TENM4: variants seen among roughly 807,000 people sequenced by gnomAD.
TENM4 encodes teneurin transmembrane protein 4.
In TENM4, 82 loss-of-function variants were observed where a neutral mutation model predicts 243.3. That is an observed-to-expected ratio of 0.34 (90% CI 0.28 to 0.40). The LOEUF (loss-of-function observed/expected upper bound fraction) is 0.40. Ranked by LOEUF, TENM4 falls within the 10% of genes least tolerant of loss-of-function variation. TENM4 has a pLI of 1.00. For synonymous variants in TENM4, 1,412 were observed against 1,456.3 expected, an observed-to-expected ratio of 0.97 and a Z score of 0.69; for missense variants, 3,138 against 3,673.3, an observed-to-expected ratio of 0.85 and a Z score of 3.77.
intron 6 of TENM4, among the ~76,000 whole-genome samples, chr11:78,934,504 CGG>C (rs1856741629): frequency 6.6e-6 from 1 of 152,126 alleles, no homozygotes; most frequent in Non-Finnish European, 1.5e-5. Context: ...GTTAGACTGG[CGG>C]ACCTGGAAGG....
At chr11:78,693,026 C>A (rs1858864607) in intron 28 of TENM4, among the ~76,000 whole-genome samples, 1 of 152,150 alleles carries the variant, frequency 6.6e-6, no homozygotes, top group Admixed American at 6.5e-5. Context: ...TCCATGAGGA[C>A]AGAGACCTTG....
intron 4 of TENM4, chr11:79,096,344 G>C (rs1861074981): frequency 2.6e-5 from 4 of 152,224 alleles, no homozygotes; most frequent in African/African-American, 7.2e-5. Context: ...GAAACAAGGA[G>C]ACTCTGCAAG....
intron 1 of TENM4, among the ~76,000 whole-genome samples, chr11:79,373,424 G>A (rs1244663779): frequency 1.3e-5 from 2 of 152,168 alleles, no homozygotes; most frequent in East Asian, 1.9e-4. Flanking sequence ...GTGACTGGCT[G>A]GCTGGCTGGA....
At chr11:78,748,365 C>G (rs1856098836) in intron 19 of TENM4, among the ~76,000 whole-genome samples, 1 of 152,210 alleles carries the variant, frequency 6.6e-6, no homozygotes, top group Non-Finnish European at 1.5e-5. Flanking sequence ...TAAGGTCACA[C>G]AGCTAGCAAA....
intron 6 of TENM4, among the ~76,000 whole-genome samples, chr11:78,980,512 G>A (rs660810): frequency 0.49 from 74,214 of 152,044 alleles, 19,896 homozygotes; most frequent in African/African-American, 0.72. Flanking sequence ...GGAAGTTGAG[G>A]CCTGGAAGGT....
chr11:79,365,159 G>T (rs1190591951), intron 1 of TENM4, among the ~76,000 whole-genome samples: 2 of 152,166 alleles, frequency 1.3e-5, no homozygotes, highest in Non-Finnish European at 1.5e-5. Flanking sequence ...ACTAAAAATT[G>T]CAGCCCCAAG....
rs185291288 is a variant in TENM4 at position 79,110,476 on chromosome 11, G to A, written c.-66+38234C>T. Among the ~76,000 whole-genome samples the A allele has an allele frequency of 1.7e-3, 261 of 152,318 alleles. 1 individual carries two copies. Among genetic ancestry groups the A allele is most frequent in the Admixed American group, 3.0e-3 (46 of 15,304 alleles). On this transcript the variant is annotated intron_variant, in intron 4 of 33. Coordinates refer to ENST00000278550, the MANE Select transcript of TENM4 (RefSeq NM_001098816.3). ...GTACCTAGAGTCCATAGCCCCGGAGGTGGAGAGGAATGCATGCTGGTGAAG... is the reference window on the plus strand; with the variant it reads ...GTACCTAGAGTCCATAGCCCCGGAGATGGAGAGGAATGCATGCTGGTGAAG...
rs550714963 is a variant in TENM4, at chr11:78,744,393, C to T, written c.2757-5823G>A. Among the ~76,000 whole-genome samples, 31 of 152,322 alleles carry T rather than the reference C, an allele frequency of 2.0e-4. 1 individual carries two copies. In the South Asian group the frequency reaches 5.6e-3, roughly 28 times the overall value. ...ATGAAACATTCGAGTCAGAAGAACC[C>T]TTCCTGATCACCTCTTTCAAACTTC... On this transcript the variant is annotated intron_variant, in intron 19 of 33. Transcript: ENST00000278550.
intron 19 of TENM4, among the ~76,000 whole-genome samples, chr11:78,749,531 G>A (rs1856133264): frequency 1.3e-5 from 2 of 152,122 alleles, no homozygotes; most frequent in Admixed American, 1.3e-4. Context: ...CTTCCTGAAG[G>A]CTGTCTAAAG....
At chr11:79,297,366 A>G (rs750091255) in intron 2 of TENM4, 122 bp downstream of exon 2, 5 of 152,780 alleles carry the variant, frequency 3.3e-5, no homozygotes, top group Non-Finnish European at 5.9e-5. Context: ...CTCGTGCAAT[A>G]CTGACTTGAA....
rs142750029 is a variant in TENM4 at position 79,374,684 on chromosome 11, T to C, written c.-321+65825A>G. On this transcript the variant is annotated intron_variant, in intron 1 of 33. Coordinates refer to ENST00000278550, the MANE Select transcript of TENM4 (RefSeq NM_001098816.3). ...AATTTGTTTTATATGAGGATCCTAG[T>C]TTTTTCACAGGCTCACTAATAGAAA... 2.3e-4 allele frequency among the ~76,000 whole-genome samples: 35 copies of C among 152,152 alleles called. No individual in the cohort carries two copies. In the East Asian group the frequency reaches 6.8e-3, roughly 29 times the overall value.
chr11:79,178,689 G>C (rs531572090), intron 3 of TENM4, among the ~76,000 whole-genome samples: 77 of 152,274 alleles, frequency 5.1e-4, no homozygotes, highest in Admixed American at 3.9e-3. Flanking sequence ...GGGGAGAAAG[G>C]TTGACTGGAG....
At chr11:79,278,055 G>T (rs369880718) in intron 2 of TENM4, among the ~76,000 whole-genome samples, 5 of 152,282 alleles carry the variant, frequency 3.3e-5, no homozygotes, top group African/African-American at 1.2e-4. Flanking sequence ...GGTCCTCCTG[G>T]TTTCTCAAGT....
intron 9 of TENM4, among the ~76,000 whole-genome samples, chr11:78,875,799 G>A (rs1001658105): frequency 2.6e-5 from 4 of 152,186 alleles, no homozygotes; most frequent in Non-Finnish European, 5.9e-5. Context: ...AATATTAAAT[G>A]AGGAAATACA....
chr11:78,662,147 C>A (rs1485622840), intron 32 of TENM4, among the ~76,000 whole-genome samples: 1 of 151,924 alleles, frequency 6.6e-6, no homozygotes, highest in Non-Finnish European at 1.5e-5. Context: ...CTTTTATACT[C>A]TGACAGCCCA....
At chr11:78,966,602 G>C (rs1398612363) in intron 6 of TENM4, among the ~76,000 whole-genome samples, 1 of 151,918 alleles carries the variant, frequency 6.6e-6, no homozygotes, top group Non-Finnish European at 1.5e-5. Flanking sequence ...CCACAGCCCA[G>C]TGCAAGGAGC....
intron 1 of TENM4, among the ~76,000 whole-genome samples, chr11:79,375,622 C>T (rs1857875622): frequency 6.6e-6 from 1 of 152,222 alleles, no homozygotes; most frequent in Non-Finnish European, 1.5e-5. Flanking sequence ...ATATCTAACA[C>T]ATACCTGCCA....
intron 2 of TENM4, among the ~76,000 whole-genome samples, chr11:79,224,819 C>T (rs1057067171): frequency 3.9e-5 from 6 of 152,048 alleles, no homozygotes; most frequent in Admixed American, 6.5e-5. Context: ...GGCATGGTGG[C>T]GCATGCCTGT....
chr11:79,139,865 T>C (rs987013026), intron 4 of TENM4, among the ~76,000 whole-genome samples: 4 of 141,476 alleles, frequency 2.8e-5, no homozygotes, highest in African/African-American at 1.1e-4. Context: ...TATTTTCCAT[T>C]AGTTCTGTCC....
Sources: allele counts gnomAD v4.1 joint callset (sites outside exome capture counted in the v4.1 genomes callset), GRCh38; gene constraint gnomAD v4.1.1; transcripts MANE v1.5; gene names NCBI Gene and HGNC (gene_info 2026-07-23, HGNC 2026-07-21).